GDAP1: variants seen among roughly 807,000 people sequenced by gnomAD.
GDAP1 encodes the protein ganglioside induced differentiation associated protein 1, also known as ganglioside-induced differentiation-associated protein 1.
In GDAP1, 34 loss-of-function variants were observed where a neutral mutation model predicts 40.1. That is an observed-to-expected ratio of 0.85 (90% confidence interval 0.64 to 1.13). The LOEUF is 1.13. GDAP1 is among the 50% of genes most tolerant of loss of function. The pLI is 0.00. For synonymous variants in GDAP1, 170 were observed against 157.4 expected (o/e 1.08, Z -0.60); for missense variants, 374 against 433.7 (o/e 0.86, Z 1.22).
intron 2 of GDAP1, among the ~76,000 whole-genome samples, chr8:74,405,126 A>G (rs1429304338): frequency 6.7e-6 from 1 of 150,076 alleles, no homozygotes; most frequent in African/African-American, 2.5e-5. Context: ...GTCATGGCAG[A>G]AGAGAAAGGA....
downstream of GDAP1, among the ~76,000 whole-genome samples, chr8:74,370,284 G>A (rs1809725801): frequency 6.6e-6 from 1 of 152,196 alleles, no homozygotes; most frequent in African/African-American, 2.4e-5. Flanking sequence ...AATATATGTG[G>A]AAGTAAATAT....
chr8:74,387,308 G>C (rs1265844607), intron 2 of GDAP1, among the ~76,000 whole-genome samples: 3 of 152,180 alleles, frequency 2.0e-5, no homozygotes, highest in African/African-American at 7.2e-5. Context: ...TGTGATATTG[G>C]CCATGGGTTT....
chr8:74,486,168 G>C (rs1403333229), intron 2 of GDAP1, among the ~76,000 whole-genome samples: 1 of 152,154 alleles, frequency 6.6e-6, no homozygotes, highest in Admixed American at 6.5e-5. Context: ...ATTACCTACA[G>C]GAAAATGTTT....
At chr8:74,478,257 C>T (rs1299123260) in intron 2 of GDAP1, among the ~76,000 whole-genome samples, 1 of 151,974 alleles carries the variant, frequency 6.6e-6, no homozygotes, top group Non-Finnish European at 1.5e-5. Flanking sequence ...CACGTGCACA[C>T]ATGTGTTGGT....
intron 2 of GDAP1, among the ~76,000 whole-genome samples, chr8:74,378,471 G>A (rs960460256): frequency 6.6e-6 from 1 of 152,216 alleles, no homozygotes; most frequent in Non-Finnish European, 1.5e-5. Flanking sequence ...CCTCCCTGGG[G>A]TGTGGAACCC....
chr8:74,411,099 G>A (rs868342887), intron 2 of GDAP1, among the ~76,000 whole-genome samples: 7 of 149,760 alleles, frequency 4.7e-5, no homozygotes, highest in South Asian at 2.1e-4. Context: ...CTTTCCTGCC[G>A]CCTTGTGAAG....
chr8:74,382,104 CACTT>C, intron 2 of GDAP1, among the ~76,000 whole-genome samples: 1 of 152,118 alleles, frequency 6.6e-6, no homozygotes, highest in Non-Finnish European at 1.5e-5. Context: ...TTATGATTTA[CACTT>C]ACTTCACATA....
intron 2 of GDAP1, among the ~76,000 whole-genome samples, chr8:74,461,076 T>C (rs1041453187): frequency 6.6e-6 from 1 of 152,342 alleles, no homozygotes; most frequent in South Asian, 2.1e-4. Flanking sequence ...CCACTGCCAA[T>C]GCTTTGTCCC....
intron 2 of GDAP1, among the ~76,000 whole-genome samples, chr8:74,405,998 T>A (rs1452642786): frequency 6.7e-6 from 1 of 149,686 alleles, no homozygotes; most frequent in Non-Finnish European, 1.5e-5. Context: ...TTCCAAGGAG[T>A]CAAAAATATA....
At chr8:74,383,240 A>G (rs1809980286) in intron 2 of GDAP1, among the ~76,000 whole-genome samples, 1 of 152,164 alleles carries the variant, frequency 6.6e-6, no homozygotes, top group African/African-American at 2.4e-5. Context: ...GGGAAATCTT[A>G]ATTCAAATTA....
intron 2 of GDAP1, among the ~76,000 whole-genome samples, chr8:74,472,197 T>G (rs1293822569): frequency 6.6e-6 from 1 of 152,206 alleles, no homozygotes; most frequent in East Asian, 1.9e-4. Context: ...GTATTTGGTT[T>G]TGTTTCTGCA....
rs1808870766 is a variant in GDAP1, at chr8:74,351,440, A to G, written c.284A>G (p.Asp95Gly). 6.2e-7 allele frequency: 1 copy of G among 1,613,706 alleles called. No individual in the cohort carries two copies. The highest frequency in any genetic ancestry group is 1.1e-5 in the South Asian group (1 of 91,084). The change falls in exon 2 of 6, where the codon GAT (aspartate) becomes GGT (glycine). Residue 95 changes from aspartate (D) to glycine (G), a missense_variant. Asp to Gly is a moderately conservative substitution (Grantham distance 94). Transcript: ENST00000220822. ...ATTTGTGAGGCCACTCAGATCATTG[A>G]TTATCTTGAACAGACTTTCCTGGAT... Reference protein sequence around the residue: ...NIICEATQIIDYLEQTFLDER... With the variant: ...NIICEATQIIGYLEQTFLDER...
chr8:74,363,428 G>A (rs768342363), intron 5 of GDAP1, among the ~76,000 whole-genome samples: 4 of 152,224 alleles, frequency 2.6e-5, no homozygotes, highest in African/African-American at 4.8e-5. Flanking sequence ...GGACCAGCAC[G>A]TGGGCATCTG....
chr8:74,440,632 GT>G (rs1806151873), intron 2 of GDAP1, among the ~76,000 whole-genome samples: 1 of 150,382 alleles, frequency 6.6e-6, no homozygotes, highest in South Asian at 2.1e-4. Context: ...ATGAGTTAGG[GT>G]TTGCATGTAA....
chr8:74,372,464 A>C (rs1809771321), intron 2 of GDAP1, among the ~76,000 whole-genome samples: 1 of 152,144 alleles, frequency 6.6e-6, no homozygotes, highest in Non-Finnish European at 1.5e-5. Flanking sequence ...CGCCATTCTA[A>C]CTGGTGTGAG....
chr8:74,351,243 G>A (rs1808855112), intron 1 of GDAP1, 31 bp from the exon 2 acceptor site: 2 of 1,576,986 alleles, frequency 1.3e-6, no homozygotes, highest in Admixed American at 1.7e-5. Flanking sequence ...AAGCTTACAT[G>A]TGTTGTAGTA....
At chr8:74,438,288 C>CA (rs1284188422) in intron 2 of GDAP1, among the ~76,000 whole-genome samples, 3 of 151,664 alleles carry the variant, frequency 2.0e-5, no homozygotes, top group East Asian at 3.9e-4. Context: ...AAAACAACAA[C>CA]AAAAAAAGAA....
Position 74,412,181 on chromosome 8 carries a change from T to C in GDAP1, c.165+60860T>C, listed in dbSNP as rs190441505. On this transcript the variant is annotated intron_variant, in intron 2 of 2. Transcript: ENST00000523640. The stretch of plus-strand genomic sequence containing the variant: ...ATAAACTATATGAGAGTCAGACTCA[T>C]TGGATGAGTTAAAAATCAGATTATA... Among the ~76,000 whole-genome samples the C allele has an allele frequency of 7.3e-5, 11 of 150,230 alleles. 1 individual carries two copies. Among genetic ancestry groups the C allele is most frequent in the African/African-American group, 2.5e-4 (10 of 39,552 alleles).
chr8:74,350,658 GA>G (rs748736591), intron 1 of GDAP1, 80 bp downstream of exon 1: 3 of 946,486 alleles, frequency 3.2e-6, no homozygotes, highest in Non-Finnish European at 5.2e-6. Context: ...CCCGCCCAGG[GA>G]AGCCGGTCCA....
Sources: gnomAD v4.1 joint callset for allele counts (sites outside exome capture counted in the v4.1 genomes callset) on GRCh38, gnomAD v4.1.1 for gene constraint, MANE v1.5 for transcripts, NCBI Gene and HGNC (gene_info 2026-07-23, HGNC 2026-07-21) for gene names.